Variants in CAMKMT observed in about 807,000 individuals in gnomAD.
The protein encoded by CAMKMT is CaM KMT.
Under a neutral mutation model 48.0 loss-of-function variants are expected in CAMKMT, and 53 were observed. The observed-to-expected ratio is 1.10, with a 90% confidence interval of 0.89 to 1.39. The LOEUF (loss-of-function observed/expected upper bound fraction) is 1.39, where lower values mean the gene tolerates loss of function less well. CAMKMT is among the 40% of genes most tolerant of loss of function. CAMKMT has a pLI of 0.00. For missense variants in CAMKMT, 428 were observed against 402.7 expected, an observed-to-expected ratio of 1.06 and a Z score of -0.54; for synonymous variants, 165 against 152.3, an observed-to-expected ratio of 1.08 and a Z score of -0.61.
At chr2:44,595,019 G>T (rs1245278826) in intron 3 of CAMKMT, among the ~76,000 whole-genome samples, 2 of 152,188 alleles carry the variant, frequency 1.3e-5, no homozygotes, top group Admixed American at 1.3e-4. Flanking sequence ...CCTGTCAAAA[G>T]AAGACGTTTA....
chr2:44,609,540 C>T (rs72882974), intron 3 of CAMKMT, among the ~76,000 whole-genome samples: 2,138 of 152,226 alleles, frequency 0.014, 38 homozygotes, highest in African/African-American at 0.043. Flanking sequence ...GCATAGACTG[C>T]TACAAGGAAT....
chr2:44,403,081 T>C (rs2104453337), intron 3 of CAMKMT, among the ~76,000 whole-genome samples: 1 of 152,330 alleles, frequency 6.6e-6, no homozygotes, highest in East Asian at 1.9e-4. Flanking sequence ...GGGACACTGA[T>C]ATTACAGTTT....
chr2:44,486,788 C>G (rs576501910), intron 3 of CAMKMT, among the ~76,000 whole-genome samples: 3 of 152,306 alleles, frequency 2.0e-5, no homozygotes, highest in South Asian at 2.1e-4. Flanking sequence ...GGTGTACCCC[C>G]CAAGAAACCG....
rs1006048766 is a variant in CAMKMT at position 44,463,848 on chromosome 2, T to C, written c.376+73543T>C. On this transcript the variant is annotated intron_variant, in intron 3 of 10. Coordinates refer to ENST00000378494, the MANE Select transcript of CAMKMT (RefSeq NM_024766.5). ...CTCTGGCTGTGCTGTTTGGTGAAGG[T>C]CTTCCCCTATAGAAAGCCAGTATGT... Among the ~76,000 whole-genome samples the C allele has an allele frequency of 3.3e-5, 5 of 152,192 alleles. No homozygotes were observed. In the South Asian group the frequency reaches 1.0e-3, roughly 32 times the overall value.
intron 3 of CAMKMT, among the ~76,000 whole-genome samples, chr2:44,447,807 A>G (rs1050089120): frequency 6.6e-5 from 10 of 152,190 alleles, no homozygotes; most frequent in African/African-American, 2.4e-4. Context: ...TACTCCGCCC[A>G]AAAAATCTGT....
At chr2:44,724,236 A>G (rs1212629834) in intron 7 of CAMKMT, among the ~76,000 whole-genome samples, 1 of 152,176 alleles carries the variant, frequency 6.6e-6, no homozygotes, top group Non-Finnish European at 1.5e-5. Flanking sequence ...CTGCCTGTGA[A>G]TAGCCACAGT....
chr2:44,532,216 C>T (rs892358370), intron 3 of CAMKMT, among the ~76,000 whole-genome samples: 1 of 152,140 alleles, frequency 6.6e-6, no homozygotes, highest in Non-Finnish European at 1.5e-5. Context: ...AACAAAAATG[C>T]TGGAACAGTC....
intron 3 of CAMKMT, among the ~76,000 whole-genome samples, chr2:44,535,824 G>A (rs1012304555): frequency 3.9e-5 from 6 of 152,140 alleles, no homozygotes; most frequent in Non-Finnish European, 8.8e-5. Context: ...GTAAGAACTA[G>A]AATAAGACAA....
chr2:44,612,824 T>C lies in CAMKMT; in HGVS notation c.377-91459T>C, dbSNP rs192303933. On this transcript the variant is annotated intron_variant, in intron 3 of 10. Transcript: ENST00000378494. ...ATAACTAGTAAGACTATTTTAATTA[T>C]TGTTAAGCTTACTTTTCAATCCCCC... 6.8e-3 allele frequency among the ~76,000 whole-genome samples: 1,042 copies of C among 152,332 alleles called. 10 individuals are homozygous for C. Among genetic ancestry groups the C allele is most frequent in the Non-Finnish European group, 7.7e-3 (521 of 68,030 alleles).
intron 3 of CAMKMT, among the ~76,000 whole-genome samples, chr2:44,533,903 G>T (rs967365724): frequency 6.6e-6 from 1 of 152,164 alleles, no homozygotes; most frequent in Non-Finnish European, 1.5e-5. Context: ...AATGTAAGTG[G>T]ATTAAATTTT....
chr2:44,710,888 T>C (rs1420265129), intron 6 of CAMKMT, among the ~76,000 whole-genome samples: 1 of 152,220 alleles, frequency 6.6e-6, no homozygotes, highest in Non-Finnish European at 1.5e-5. Context: ...AGCAGTTCTA[T>C]GCAGAAAATT....
intron 3 of CAMKMT, among the ~76,000 whole-genome samples, chr2:44,541,178 C>A (rs1465888310): frequency 2.0e-5 from 3 of 152,136 alleles, no homozygotes; most frequent in Admixed American, 6.5e-5. Flanking sequence ...ATTTTCCTGA[C>A]TAAACTTGCA....
intron 3 of CAMKMT, among the ~76,000 whole-genome samples, chr2:44,482,532 G>A (rs698817): frequency 0.067 from 10,233 of 152,062 alleles, 452 homozygotes; most frequent in Admixed American, 0.16. Flanking sequence ...ACTAATTTCT[G>A]TACATTTAGG....
intron 2 of CAMKMT, among the ~76,000 whole-genome samples, chr2:44,388,230 T>G (rs1193558612): frequency 2.0e-5 from 3 of 152,144 alleles, no homozygotes; most frequent in Non-Finnish European, 4.4e-5. Flanking sequence ...TTTGTTGGAT[T>G]GGGTTAATTT....
intron 3 of CAMKMT, among the ~76,000 whole-genome samples, chr2:44,636,645 A>G (rs1189816568): frequency 6.6e-6 from 1 of 152,234 alleles, no homozygotes; most frequent in Admixed American, 6.5e-5. Context: ...GGTTTTAAAA[A>G]TATTCTCTCA....
intron 3 of CAMKMT, among the ~76,000 whole-genome samples, chr2:44,509,713 G>A (rs375055776): frequency 4.6e-5 from 7 of 152,220 alleles, no homozygotes; most frequent in African/African-American, 1.7e-4. Context: ...TGCTGCTCTT[G>A]CAGGACTCGG....
chr2:44,652,455 G>A (rs1674129384), intron 3 of CAMKMT, among the ~76,000 whole-genome samples: 2 of 152,216 alleles, frequency 1.3e-5, no homozygotes, highest in Admixed American at 1.3e-4. Flanking sequence ...CTTTGGGGGT[G>A]TGAGAAGTAA....
intron 2 of CAMKMT, among the ~76,000 whole-genome samples, chr2:44,386,128 T>A (rs1680756760): frequency 6.6e-6 from 1 of 152,070 alleles, no homozygotes; most frequent in Non-Finnish European, 1.5e-5. Flanking sequence ...TTGGTAATTT[T>A]AAAATTACCA....
At chr2:44,656,622 T>A (rs1674391209) in intron 3 of CAMKMT, among the ~76,000 whole-genome samples, 1 of 152,308 alleles carries the variant, frequency 6.6e-6, no homozygotes, top group African/African-American at 2.4e-5. Flanking sequence ...ACTATGACAG[T>A]CGCTCTGTTT....
Sources: allele counts gnomAD v4.1 joint callset (sites outside exome capture counted in the v4.1 genomes callset), GRCh38; gene constraint gnomAD v4.1.1; transcripts MANE v1.5; gene names NCBI Gene and HGNC (gene_info 2026-07-23, HGNC 2026-07-21).